The following SLC30A6 variants were observed in gnomAD, a reference collection of about 807,000 sequenced individuals.
SLC30A6 encodes solute carrier family 30 member 6, also known as zinc transporter 6.
Under a neutral mutation model 63.0 loss-of-function variants are expected in SLC30A6, and 55 were observed. The ratio of observed to expected loss-of-function variants is 0.87; its 90% confidence interval spans 0.70 to 1.09. The LOEUF is 1.09. SLC30A6 is among the 50% of genes least tolerant of loss of function. The pLI is 0.00. For missense variants in SLC30A6, 587 were observed against 549.2 expected (o/e 1.07, Z -0.69); for synonymous variants, 224 against 186.1 (o/e 1.20, Z -1.66).
intron 4 of SLC30A6, among the ~76,000 whole-genome samples, chr2:32,180,475 C>G (rs553383167): frequency 1.3e-5 from 2 of 151,988 alleles, no homozygotes; most frequent in Non-Finnish European, 2.9e-5. Context: ...GTCACCCAAG[C>G]TAGAGTACAG....
intron 10 of SLC30A6, chr2:32,201,624 T>C: frequency 6.6e-7 from 1 of 1,513,700 alleles, no homozygotes; most frequent in South Asian, 1.2e-5. Context: ...CCTCTGGGGG[T>C]ACATTATGGA....
chr2:32,208,049 G>C (rs1684934345), intron 12 of SLC30A6, among the ~76,000 whole-genome samples: 2 of 151,722 alleles, frequency 1.3e-5, no homozygotes, highest in South Asian at 4.2e-4. Flanking sequence ...GGCCAAGATG[G>C]TCTCAATCTC....
At chr2:32,189,596 CTTTTTTTTTTTTTTTTTT>C (rs3040842) in intron 5 of SLC30A6, among the ~76,000 whole-genome samples, 1 of 51,882 alleles carries the variant, frequency 1.9e-5, no homozygotes, top group African/African-American at 9.7e-5. Context: ...CGCACCCGGC[CTTTTTTTTTTTTTTTTTT>C]TTTTTTTTTT....
chr2:32,213,065 C>G (rs1426616208), intron 13 of SLC30A6, among the ~76,000 whole-genome samples: 1 of 151,844 alleles, frequency 6.6e-6, no homozygotes, highest in Non-Finnish European at 1.5e-5. Context: ...GCCACCATGC[C>G]CAGCTGATCT....
chr2:32,219,240 G>A (rs1312010699), intron 13 of SLC30A6, among the ~76,000 whole-genome samples: 2 of 151,790 alleles, frequency 1.3e-5, no homozygotes, highest in Non-Finnish European at 2.9e-5. Context: ...CACCATGTTG[G>A]TCAGGCTGGT....
At chr2:32,201,769 A>G (rs1371657838) in intron 10 of SLC30A6, 1 of 1,358,060 alleles carries the variant, frequency 7.4e-7, no homozygotes, top group Middle Eastern at 2.0e-4. Context: ...TTTAAACAAG[A>G]TAAGCTGAAA....
chr2:32,207,846 G>A (rs1053256461), intron 12 of SLC30A6, among the ~76,000 whole-genome samples: 1 of 148,106 alleles, frequency 6.8e-6, no homozygotes, highest in African/African-American at 2.5e-5. Context: ...GATTATAGGC[G>A]CCCACCACAT....
At position 32,201,328 on chromosome 2, in the gene SLC30A6, G is replaced by A. The variant is rs184111786; in HGVS notation, c.666-3262G>A. Among the ~76,000 whole-genome samples, 47 of 152,294 alleles carry A rather than the reference G, an allele frequency of 3.1e-4. No individual in the cohort carries two copies. In the East Asian group the frequency reaches 6.9e-3, roughly 23 times the overall value. On this transcript the variant is annotated intron_variant, in intron 10 of 13. Transcript: ENST00000282587. ...ACTTCAGCCAGTTTGAATTGTTGATGTTGACTACAGTGTTACCATAAAAAA... is the reference window on the plus strand; with the variant it reads ...ACTTCAGCCAGTTTGAATTGTTGATATTGACTACAGTGTTACCATAAAAAA...
intron 13 of SLC30A6, among the ~76,000 whole-genome samples, chr2:32,211,706 C>T (rs1359378136): frequency 1.1e-4 from 16 of 152,116 alleles, no homozygotes; most frequent in Admixed American, 1.0e-3. Context: ...CAGCCTCTGC[C>T]TCCAGGGTTC....
At chr2:32,181,180 T>G (rs1166748224) in intron 4 of SLC30A6, among the ~76,000 whole-genome samples, 1 of 152,264 alleles carries the variant, frequency 6.6e-6, no homozygotes, top group Non-Finnish European at 1.5e-5. Context: ...TCAAACATAT[T>G]GAATGATTTG....
chr2:32,177,064 C>T (rs566439490), intron 4 of SLC30A6, among the ~76,000 whole-genome samples: 19 of 152,060 alleles, frequency 1.2e-4, no homozygotes, highest in South Asian at 1.2e-3. Flanking sequence ...TGAGCCACCA[C>T]GCCTGACCTA....
intron 1 of SLC30A6, among the ~76,000 whole-genome samples, chr2:32,170,126 G>A (rs1399639079): frequency 6.6e-6 from 1 of 151,856 alleles, no homozygotes; most frequent in Non-Finnish European, 1.5e-5. Flanking sequence ...TTCCTTTAGA[G>A]CTTCTTGGGT....
chr2:32,184,742 G>A (rs897686410), intron 5 of SLC30A6, among the ~76,000 whole-genome samples: 1 of 152,170 alleles, frequency 6.6e-6, no homozygotes, highest in African/African-American at 2.4e-5. Flanking sequence ...TCCAGCCTGG[G>A]CAACAGAGCA....
chr2:32,206,895 C>T lies in SLC30A6; in HGVS notation c.778C>T (p.Pro260Ser), dbSNP rs569795957. Residue 260 changes from proline (P) to serine (S), a missense_variant, in exon 12 of 14, where the codon CCC (proline) becomes TCC (serine). By Grantham distance (74) the Pro-to-Ser change is moderately conservative (BLOSUM62 -1). Transcript: ENST00000282587. ...TTGTATTTTTCCCCAGACAACACCA[C>T]CCCATGTTATTGGTCAGTTGGACAA... ...SGKVLLQTTP[P>S]HVIGQLDKLI... 3 of 1,611,688 alleles carry T rather than the reference C, an allele frequency of 1.9e-6. No individual in the cohort carries two copies. Among genetic ancestry groups the T allele is most frequent in the African/African-American group, 2.7e-5 (2 of 74,982 alleles).
Position 32,184,346 on chromosome 2 carries a change from C to A in SLC30A6, c.284+8C>A. On this transcript the variant is annotated splice_region_variant and intron_variant, in intron 5 of 13. Coordinates refer to ENST00000282587, the MANE Select transcript of SLC30A6 (RefSeq NM_017964.5). ...CCCTGTCTATTCATTTGGGTAAGTT[C>A]AAATTATTTTATTTTCTGCTAACTT... 1 of 1,467,194 alleles carries A rather than the reference C, an allele frequency of 6.8e-7. No individual in the cohort carries two copies. The highest frequency in any genetic ancestry group is 1.5e-5 in the South Asian group (1 of 68,312). 90.9% of individuals were successfully genotyped at this position (1,467,194 alleles called of 1,614,324 possible). A position where few individuals can be genotyped will look rare whatever the true frequency, so the allele number is the denominator to read the frequency against.
rs1338372096 is a variant in SLC30A6, at chr2:32,221,031, A to C, written c.*318A>C. 2 of 264,814 alleles carry C rather than the reference A, an allele frequency of 7.6e-6. No homozygotes were observed. Among genetic ancestry groups the C allele is most frequent in the Non-Finnish European group, 7.3e-6 (1 of 137,670 alleles). The allele number at this position is 264,814 out of a possible 1,614,324, so 16.4% of individuals were successfully genotyped here. ...CTTTATAAGAGCCACTTGATGGAGT[A>C]GATCTGTCACATTACTAAGATACGA... is the stretch of plus-strand genomic sequence containing the variant. On this transcript the variant is annotated 3_prime_UTR_variant, in exon 14 of 14. Coordinates refer to ENST00000282587, the MANE Select transcript of SLC30A6 (RefSeq NM_017964.5).
At chr2:32,205,860 G>A (rs1474287157) in intron 11 of SLC30A6, among the ~76,000 whole-genome samples, 1 of 151,482 alleles carries the variant, frequency 6.6e-6, no homozygotes, top group African/African-American at 2.4e-5. Context: ...TAGAGCTGGG[G>A]TTTCACTACA....
chr2:32,214,071 C>T (rs1395014265), intron 13 of SLC30A6, among the ~76,000 whole-genome samples: 4 of 152,100 alleles, frequency 2.6e-5, no homozygotes, highest in Admixed American at 2.6e-4. Context: ...GCCGGGATTA[C>T]AGATGCCCCA....
At chr2:32,219,567 T>A (rs1054640639) in intron 13 of SLC30A6, among the ~76,000 whole-genome samples, 4 of 152,046 alleles carry the variant, frequency 2.6e-5, no homozygotes, top group African/African-American at 9.7e-5. Flanking sequence ...GCCAAGTAGC[T>A]GGGATTACAG....
Sources: gnomAD v4.1 joint callset for allele counts (sites outside exome capture counted in the v4.1 genomes callset) on GRCh38, gnomAD v4.1.1 for gene constraint, MANE v1.5 for transcripts, NCBI Gene and HGNC (gene_info 2026-07-23, HGNC 2026-07-21) for gene names.